Variants in PCDHGA8 observed in about 807,000 individuals in gnomAD.
The protein encoded by PCDHGA8 is protocadherin gamma-A8.
A neutral mutation model predicts 59.2 loss-of-function variants in PCDHGA8; 45 were observed. The observed-to-expected ratio is 0.76, with a 90% confidence interval of 0.60 to 0.98. The LOEUF (loss-of-function observed/expected upper bound fraction) is 0.98, where lower values mean the gene tolerates loss of function less well. PCDHGA8 is among the 50% of genes least tolerant of loss of function. PCDHGA8 has a pLI of 0.00. For missense variants in PCDHGA8, 1,257 were observed against 1,196.2 expected, an observed-to-expected ratio of 1.05 and a Z score of -0.75; for synonymous variants, 531 against 519.0, an observed-to-expected ratio of 1.02 and a Z score of -0.32.
intron 1 of PCDHGA8, chr5:141,424,475 T>C (rs1399874639): frequency 2.6e-5 from 4 of 152,234 alleles, no homozygotes; most frequent in Admixed American, 2.0e-4. Context: ...ATTCTTTTAC[T>C]TTGGTGTCTG....
chr5:141,408,404 G>C lies in PCDHGA8; in HGVS notation c.2424+13167G>C, dbSNP rs372659902. ...GGATGTGTCGGCTCGCAAGCTGCGAGTGAGCGCGGAGAAGCTGCACTTCAG... is the reference window on the plus strand; with the variant it reads ...GGATGTGTCGGCTCGCAAGCTGCGACTGAGCGCGGAGAAGCTGCACTTCAG... On this transcript the variant is annotated intron_variant, in intron 1 of 3. Transcript: ENST00000398604. 6.2e-4 allele frequency: 1,002 copies of C among 1,614,072 alleles called. 1 individual carries two copies. The highest frequency in any genetic ancestry group is 8.3e-4 in the Non-Finnish European group (980 of 1,179,896).
At chr5:141,455,755 T>C (rs1283272521) in intron 1 of PCDHGA8, among the ~76,000 whole-genome samples, 1 of 152,150 alleles carries the variant, frequency 6.6e-6, no homozygotes, top group Non-Finnish European at 1.5e-5. Flanking sequence ...CTGGCCTGGC[T>C]CCTAGAGCCG....
chr5:141,509,719 C>G (rs2099877973), intron 3 of PCDHGA8, among the ~76,000 whole-genome samples: 1 of 152,152 alleles, frequency 6.6e-6, no homozygotes, highest in Non-Finnish European at 1.5e-5. Flanking sequence ...TGTCTGATGT[C>G]ACCTAGCTGT....
At chr5:141,398,827 G>A in intron 1 of PCDHGA8, 1 of 1,613,982 alleles carries the variant, frequency 6.2e-7, no homozygotes, top group East Asian at 2.2e-5. Flanking sequence ...CCAGGTAACC[G>A]ACGCCAATGA....
chr5:141,420,030 G>A (rs1269646706), intron 1 of PCDHGA8: 1 of 1,613,940 alleles, frequency 6.2e-7, no homozygotes, highest in Non-Finnish European at 8.5e-7. Flanking sequence ...CCTACTGCAG[G>A]AGACTGCTTT....
Position 141,432,691 on chromosome 5 carries a change from G to A in PCDHGA8, c.2424+37454G>A, listed in dbSNP as rs1308174141. Reference sequence around the variant, plus strand: ...ACGCGCTCAAGCAGAGCCTCGTAGTGGCCGTCCAGGACCACGGCCAGCCCC... The same window carrying A: ...ACGCGCTCAAGCAGAGCCTCGTAGTAGCCGTCCAGGACCACGGCCAGCCCC... On this transcript the variant is annotated intron_variant, in intron 1 of 3. Transcript: ENST00000398604. The surrounding 1 kb of genome is among the most constrained non-coding windows in gnomAD (Gnocchi z 6.0). 1 of 1,613,942 alleles carries A rather than the reference G, an allele frequency of 6.2e-7. No individual in the cohort carries two copies. Among genetic ancestry groups the A allele is most frequent in the South Asian group, 1.1e-5 (1 of 91,068 alleles).
chr5:141,500,232 G>A (rs1024752888), intron 2 of PCDHGA8, among the ~76,000 whole-genome samples: 1 of 137,690 alleles, frequency 7.3e-6, no homozygotes, highest in South Asian at 2.3e-4. Flanking sequence ...TTATTGATAC[G>A]TAGCCTTGCT....
chr5:141,450,817 A>G, intron 1 of PCDHGA8, among the ~76,000 whole-genome samples: 1 of 137,534 alleles, frequency 7.3e-6, no homozygotes, highest in East Asian at 2.1e-4. Context: ...TTTATTTAAT[A>G]TTATTATTAT....
intron 1 of PCDHGA8, among the ~76,000 whole-genome samples, chr5:141,457,594 TA>T (rs1239366532): frequency 6.6e-6 from 1 of 152,250 alleles, no homozygotes; most frequent in Non-Finnish European, 1.5e-5. Flanking sequence ...TCATTTTTGG[TA>T]AAAACTAATT....
intron 1 of PCDHGA8, chr5:141,405,033 T>C (rs753061273): frequency 6.8e-6 from 11 of 1,613,844 alleles, no homozygotes; most frequent in Admixed American, 1.7e-5. Context: ...CTCTACCTCG[T>C]TGTGGCTGTG....
At chr5:141,430,628 C>A in intron 1 of PCDHGA8, 2 of 798,952 alleles carry the variant, frequency 2.5e-6, no homozygotes, top group Non-Finnish European at 3.7e-6. Context: ...TAGGAATGAA[C>A]CATCCCTGGG....
intron 1 of PCDHGA8, among the ~76,000 whole-genome samples, chr5:141,472,980 C>CAAAAA (rs60579131): frequency 1.7e-4 from 15 of 86,092 alleles, no homozygotes; most frequent in East Asian, 4.1e-4. Context: ...GAGTGAAACT[C>CAAAAA]AAAAAAAAAA....
At chr5:141,430,595 G>T (rs549786394) in intron 1 of PCDHGA8, 3 of 567,018 alleles carry the variant, frequency 5.3e-6, no homozygotes, top group African/African-American at 1.9e-5. Context: ...CCTTGCACGC[G>T]CCTGAAGCAC....
At chr5:141,467,901 C>T (rs1484485803) in intron 1 of PCDHGA8, among the ~76,000 whole-genome samples, 7 of 152,034 alleles carry the variant, frequency 4.6e-5, no homozygotes, top group Admixed American at 1.3e-4. Flanking sequence ...TCAAGAAATC[C>T]GCCCACCTCA....
At chr5:141,408,478 T>C (rs1433834175) in intron 1 of PCDHGA8, 1 of 1,614,056 alleles carries the variant, frequency 6.2e-7, no homozygotes, top group Non-Finnish European at 8.5e-7. Context: ...GAATAGACCG[T>C]GAGCAAATAT....
chr5:141,459,139 A>G (rs1592605909), intron 1 of PCDHGA8, among the ~76,000 whole-genome samples: 1 of 152,360 alleles, frequency 6.6e-6, no homozygotes, highest in Non-Finnish European at 1.5e-5. Flanking sequence ...ACCACCATGC[A>G]ATCAAAATAT....
At chr5:141,399,936 C>T (rs1370105984) in intron 1 of PCDHGA8, 2 of 1,612,268 alleles carry the variant, frequency 1.2e-6, no homozygotes, top group Non-Finnish European at 8.5e-7. Flanking sequence ...TGTCCTACCA[C>T]GTGCTGCAGG....
At position 141,395,404 on chromosome 5, in the gene PCDHGA8, T is replaced by G. The variant is rs1482913976; in HGVS notation, c.2424+167T>G. 24 of 836,172 alleles carry G rather than the reference T, an allele frequency of 2.9e-5. No homozygotes were observed. The East Asian group carries it at 6.2e-4, about 21-fold the overall frequency. 51.8% of individuals were successfully genotyped at this position (836,172 alleles called of 1,614,324 possible). A position where few individuals can be genotyped will look rare whatever the true frequency, so the allele number is the denominator to read the frequency against. ...CTATAAAATTGAACTCTAATAGTCA[T>G]AGGTTATTGTTTCATTTGCTTTTAA... On this transcript the variant is annotated intron_variant, in intron 1 of 3. Transcript: ENST00000398604.
chr5:141,472,188 G>C (rs779077950), intron 1 of PCDHGA8, among the ~76,000 whole-genome samples: 4 of 152,168 alleles, frequency 2.6e-5, no homozygotes, highest in Middle Eastern at 3.2e-3. Context: ...ATTGGAATTT[G>C]AATCTTTTTG....
Sources: allele counts gnomAD v4.1 joint callset (sites outside exome capture counted in the v4.1 genomes callset), GRCh38; gene constraint gnomAD v4.1.1; non-coding constraint Gnocchi (gnomAD v3.1); transcripts MANE v1.5; gene names NCBI Gene and HGNC (gene_info 2026-07-23, HGNC 2026-07-21).